ABCE1: variants seen among roughly 807,000 people sequenced by gnomAD.
The protein encoded by ABCE1 is ATP binding cassette subfamily E member 1.
A neutral mutation model predicts 83.4 loss-of-function variants in ABCE1; 22 were observed. That is an observed-to-expected ratio of 0.26 (90% confidence interval 0.19 to 0.38). The LOEUF is 0.38. Ranked by LOEUF, ABCE1 falls within the 10% of genes least tolerant of loss-of-function variation. ABCE1 has a pLI of 1.00. For missense variants in ABCE1, 330 were observed against 721.9 expected (o/e 0.46, Z 6.22); for synonymous variants, 204 against 233.7 (o/e 0.87, Z 1.16).
intron 9 of ABCE1, among the ~76,000 whole-genome samples, chr4:145,113,269 T>C (rs1560960873): frequency 6.6e-6 from 1 of 152,198 alleles, no homozygotes; most frequent in Non-Finnish European, 1.5e-5. Context: ...TTGTCTATCA[T>C]TGCACGGAAA....
At chr4:145,126,529 T>C (rs1447167195) in intron 17 of ABCE1, among the ~76,000 whole-genome samples, 2 of 152,162 alleles carry the variant, frequency 1.3e-5, no homozygotes, top group Non-Finnish European at 2.9e-5. Context: ...ACTCCTGACC[T>C]AGTGTTCCAC....
At chr4:145,106,575 A>G (rs1749310454) in intron 3 of ABCE1, among the ~76,000 whole-genome samples, 2 of 152,032 alleles carry the variant, frequency 1.3e-5, no homozygotes, top group African/African-American at 4.8e-5. Flanking sequence ...TTAAATTTTA[A>G]ATTTTGGATA....
rs1415214987 is a variant in ABCE1 at position 145,121,316 on chromosome 4, A to G, written c.1205-17A>G. On this transcript the variant is annotated splice_polypyrimidine_tract_variant and intron_variant, in intron 12 of 17. Transcript: ENST00000296577. The stretch of plus-strand genomic sequence containing the variant: ...CTGGGCAGTTTTTAGTGTCTTATGT[A>G]TTTCATTATTTTGCAGGAGAAGTAC... 1 of 1,612,866 alleles carries G rather than the reference A, an allele frequency of 6.2e-7. No homozygotes were observed.
chr4:145,113,840 A>T (rs1435871441), intron 9 of ABCE1, among the ~76,000 whole-genome samples: 2 of 152,172 alleles, frequency 1.3e-5, no homozygotes, highest in Non-Finnish European at 2.9e-5. Context: ...ACAGCAGAAA[A>T]GTGCATTAGA....
At chr4:145,120,469 G>GATAA (rs1203244736) in intron 11 of ABCE1, among the ~76,000 whole-genome samples, 2 of 152,024 alleles carry the variant, frequency 1.3e-5, no homozygotes, top group African/African-American at 4.8e-5. Flanking sequence ...AGATGGAAAG[G>GATAA]ATAAATGGTG....
intron 5 of ABCE1, among the ~76,000 whole-genome samples, chr4:145,109,602 C>G (rs1239352965): frequency 6.6e-6 from 1 of 152,090 alleles, no homozygotes; most frequent in Non-Finnish European, 1.5e-5. Flanking sequence ...AAATTTCCAA[C>G]TTTAGTACAT....
intron 7 of ABCE1, 79 bp downstream of exon 7, chr4:145,110,523 T>G (rs1749440141): frequency 7.2e-7 from 1 of 1,396,944 alleles, no homozygotes; most frequent in African/African-American, 1.4e-5. Flanking sequence ...TTGCCCAGGC[T>G]GGGGTGCAAT....
chr4:145,119,729 G>A (rs1749692697), intron 10 of ABCE1, among the ~76,000 whole-genome samples: 1 of 151,800 alleles, frequency 6.6e-6, no homozygotes. Flanking sequence ...CATGTGGTTG[G>A]GGGGGACATG....
intron 10 of ABCE1, among the ~76,000 whole-genome samples, chr4:145,117,740 C>T (rs1238820510): frequency 3.3e-5 from 5 of 151,788 alleles, no homozygotes; most frequent in Non-Finnish European, 5.9e-5. Context: ...TTAACTTTGA[C>T]AGGCCAATAC....
chr4:145,117,638 A>G (rs796342524), intron 10 of ABCE1, among the ~76,000 whole-genome samples: 9 of 151,756 alleles, frequency 5.9e-5, no homozygotes, highest in African/African-American at 1.9e-4. Context: ...GTAGAAATGC[A>G]ATGTTACTTT....
At chr4:145,111,322 T>C (rs1428493050) in intron 8 of ABCE1, among the ~76,000 whole-genome samples, 1 of 152,234 alleles carries the variant, frequency 6.6e-6, no homozygotes, top group Non-Finnish European at 1.5e-5. Flanking sequence ...AGTTATTCAT[T>C]ATCTAAGCTC....
intron 17 of ABCE1, among the ~76,000 whole-genome samples, chr4:145,126,650 G>A (rs1450738633): frequency 6.6e-6 from 1 of 152,084 alleles, no homozygotes; most frequent in Non-Finnish European, 1.5e-5. Flanking sequence ...TTATCACTCT[G>A]TATCCATCAT....
intron 1 of ABCE1, among the ~76,000 whole-genome samples, chr4:145,104,141 A>T (rs1194509477): frequency 6.6e-6 from 1 of 151,566 alleles, no homozygotes; most frequent in Non-Finnish European, 1.5e-5. Context: ...CGCTATTGTA[A>T]ATGACATTTT....
chr4:145,123,408 G>A (rs757165932), intron 15 of ABCE1, 51 bp downstream of exon 15: 62 of 1,591,608 alleles, frequency 3.9e-5, no homozygotes, highest in Non-Finnish European at 1.5e-5. Flanking sequence ...TGTCCTACAA[G>A]TGTGCTTAAT....
intron 10 of ABCE1, among the ~76,000 whole-genome samples, chr4:145,118,901 C>T (rs1044337477): frequency 5.9e-5 from 9 of 151,668 alleles, no homozygotes; most frequent in African/African-American, 2.2e-4. Context: ...TTTTTTTAAA[C>T]GAAGTCACTT....
intron 1 of ABCE1, 191 bp downstream of exon 1, chr4:145,098,610 C>T (rs940525436): frequency 6.6e-6 from 1 of 152,224 alleles, no homozygotes; most frequent in Admixed American, 6.5e-5. Context: ...GGGGGCGCCT[C>T]GGTCTTCCCC....
chr4:145,117,565 T>C, intron 10 of ABCE1, 151 bp downstream of exon 10: 1 of 608,438 alleles, frequency 1.6e-6, no homozygotes, highest in Non-Finnish European at 2.5e-6. Flanking sequence ...TATAAGGTTA[T>C]ATATATCAGT....
At chr4:145,112,700 T>G (rs1054392873) in intron 9 of ABCE1, among the ~76,000 whole-genome samples, 10 of 152,182 alleles carry the variant, frequency 6.6e-5, no homozygotes, top group Admixed American at 3.9e-4. Context: ...ATTCTGGTTT[T>G]TCAGAATCTT....
In ABCE1 at chr4:145,100,050, G is replaced by A. The variant is rs1749095155; in HGVS notation, c.-28+1631G>A. Among the ~76,000 whole-genome samples, 5 of 152,130 alleles carry A rather than the reference G, an allele frequency of 3.3e-5. No homozygotes were observed. In the South Asian group the frequency reaches 1.0e-3, roughly 32 times the overall value. On this transcript the variant is annotated intron_variant, in intron 1 of 17. Transcript: ENST00000296577. ...TCCCCTTGCCCCAATTATTGAAACT[G>A]ATACAGAAATTGAATTAAAAGTGTT...
Sources: gnomAD v4.1 joint callset for allele counts (sites outside exome capture counted in the v4.1 genomes callset) on GRCh38, gnomAD v4.1.1 for gene constraint, MANE v1.5 for transcripts, NCBI Gene and HGNC (gene_info 2026-07-23, HGNC 2026-07-21) for gene names.